SPATA6L: variants seen among roughly 807,000 people sequenced by gnomAD.
The protein encoded by SPATA6L is spermatogenesis associated 6 like.
In SPATA6L, 68 loss-of-function variants were observed where a neutral mutation model predicts 49.2. The observed-to-expected ratio is 1.38, with a 90% CI of 1.14 to 1.69. The LOEUF (loss-of-function observed/expected upper bound fraction) is 1.69, where lower values mean the gene tolerates loss of function less well. Among genes scored for constraint, SPATA6L ranks in the 40% most tolerant of loss-of-function variants. The probability of loss-of-function intolerance (pLI) is 0.00; values close to 1 mark genes in which losing one functional copy is unlikely to be tolerated. For synonymous variants in SPATA6L, 198 were observed against 165.7 expected (o/e 1.19, Z -1.50); for missense variants, 668 against 464.3 (o/e 1.44, Z -4.03).
At chr9:4,627,388 T>G (rs1279092988) in intron 5 of SPATA6L, 1 of 164,940 alleles carries the variant, frequency 6.1e-6, no homozygotes, top group Non-Finnish European at 1.3e-5. Context: ...ATGAGTTATT[T>G]AGCTAAGAGT....
At chr9:4,615,830 C>G (rs1378885109) in intron 9 of SPATA6L, among the ~76,000 whole-genome samples, 2 of 152,156 alleles carry the variant, frequency 1.3e-5, no homozygotes, top group African/African-American at 4.8e-5. Flanking sequence ...GCTTGCTGTA[C>G]TGCTTTTAAG....
rs2130826256 is a variant in SPATA6L, at chr9:4,666,444, T to C, written c.-194A>G. The C allele has an allele frequency of 1.6e-6, 1 of 609,034 alleles. No homozygotes were observed. Among genetic ancestry groups the C allele is most frequent in the Non-Finnish European group, 3.0e-6 (1 of 338,426 alleles). The allele number at this position is 609,034 out of a possible 1,614,324, so 37.7% of individuals were successfully genotyped here. A position where few individuals can be genotyped will look rare whatever the true frequency, so the allele number is the denominator to read the frequency against. On this transcript the variant is annotated 5_prime_UTR_variant, in exon 1 of 12. Coordinates refer to ENST00000682582, the MANE Select transcript of SPATA6L (RefSeq NM_001353486.2). Reference sequence around the variant, plus strand: ...GGGACGGGTCTCTCACACTCGAAGCTGGAGTGCAGGCTTCCAGAAGGCGGA... The same window carrying C: ...GGGACGGGTCTCTCACACTCGAAGCCGGAGTGCAGGCTTCCAGAAGGCGGA...
intron 13 of SPATA6L, among the ~76,000 whole-genome samples, chr9:4,590,693 G>C (rs985265269): frequency 6.6e-6 from 1 of 152,132 alleles, no homozygotes; most frequent in African/African-American, 2.4e-5. Flanking sequence ...GCCCCGCGGG[G>C]ACAACTCCAG....
chr9:4,606,511 C>A (rs1320574493), intron 9 of SPATA6L, among the ~76,000 whole-genome samples: 1 of 40,728 alleles, frequency 2.5e-5, no homozygotes, highest in Non-Finnish European at 5.9e-5. Flanking sequence ...AGCAGCCTAA[C>A]TGGGAGGCAC....
At chr9:4,624,403 T>C (rs2130439938) in intron 6 of SPATA6L, among the ~76,000 whole-genome samples, 1 of 152,332 alleles carries the variant, frequency 6.6e-6, no homozygotes, top group East Asian at 1.9e-4. Context: ...TTTCTTGAAC[T>C]TTTCTATGTT....
intron 9 of SPATA6L, among the ~76,000 whole-genome samples, chr9:4,609,678 A>C (rs12342682): frequency 0.18 from 26,117 of 148,248 alleles, 3,406 homozygotes; most frequent in African/African-American, 0.35. Flanking sequence ...GACAAACCCA[A>C]AGCCAATATC....
downstream of SPATA6L, among the ~76,000 whole-genome samples, chr9:4,597,277 C>G (rs536408349): frequency 6.6e-6 from 1 of 151,520 alleles, no homozygotes; most frequent in Admixed American, 6.6e-5. Flanking sequence ...TATAGGGAGA[C>G]TCCTTCTCTA....
At chr9:4,625,703 A>G (rs1352376167) in intron 5 of SPATA6L, 137 bp from the exon 6 acceptor site, 18 of 552,726 alleles carry the variant, frequency 3.3e-5, no homozygotes, top group Non-Finnish European at 4.9e-5. Context: ...TAAAACATAA[A>G]CTTAAGAAGG....
At chr9:4,652,213 G>T (rs897555430) in intron 3 of SPATA6L, among the ~76,000 whole-genome samples, 8 of 152,130 alleles carry the variant, frequency 5.3e-5, no homozygotes, top group Non-Finnish European at 8.8e-5. Flanking sequence ...CTGAGGCCGG[G>T]AGTTCAAGAT....
intron 3 of SPATA6L, among the ~76,000 whole-genome samples, chr9:4,638,515 T>C (rs1833311613): frequency 6.6e-6 from 1 of 152,116 alleles, no homozygotes; most frequent in East Asian, 1.9e-4. Flanking sequence ...GCCCAGCCAA[T>C]GGGTGTAATT....
intron 2 of SPATA6L, among the ~76,000 whole-genome samples, chr9:4,659,191 G>C (rs1017750662): frequency 6.6e-6 from 1 of 152,094 alleles, no homozygotes; most frequent in African/African-American, 2.4e-5. Flanking sequence ...TTAATAGGTT[G>C]TGATTTATAA....
intron 2 of SPATA6L, 106 bp downstream of exon 2, chr9:4,661,793 T>C (rs1232296010): frequency 2.8e-6 from 4 of 1,434,188 alleles, no homozygotes; most frequent in Non-Finnish European, 3.7e-6. Flanking sequence ...TCGGATAATT[T>C]TTTTAAAAAT....
intron 13 of SPATA6L, among the ~76,000 whole-genome samples, chr9:4,592,242 G>C (rs904200852): frequency 1.3e-4 from 20 of 151,144 alleles, no homozygotes; most frequent in African/African-American, 4.9e-4. Flanking sequence ...TTGAACCCTG[G>C]AGGTGGAGTT....
chr9:4,626,393 T>C (rs1408342552), intron 5 of SPATA6L: 1 of 1,298,662 alleles, frequency 7.7e-7, no homozygotes, highest in Admixed American at 2.3e-5. Context: ...GCCCCTCCTT[T>C]GAGATCTGAG....
At position 4,618,847 on chromosome 9, in the gene SPATA6L, T is replaced by C. The variant is rs751312450; in HGVS notation, c.807+17A>G. On this transcript the variant is annotated intron_variant, in intron 8 of 11. Transcript: ENST00000682582. Reference sequence around the variant, plus strand: ...TCTGGAAGTAAATCATTTTACAAATTCTACTTCTAAAATTACCTTTACGTT... The same window carrying C: ...TCTGGAAGTAAATCATTTTACAAATCCTACTTCTAAAATTACCTTTACGTT... The C allele has an allele frequency of 1.9e-6, 3 of 1,607,782 alleles. No homozygotes were observed. The highest frequency in any genetic ancestry group is 1.1e-5 in the South Asian group (1 of 90,394).
intron 8 of SPATA6L, 102 bp downstream of exon 8, chr9:4,618,762 G>T: frequency 9.4e-7 from 1 of 1,067,576 alleles, no homozygotes; most frequent in Non-Finnish European, 1.4e-6. Context: ...TTCCACCTAA[G>T]CAGACTAACT....
chr9:4,605,509 G>T, intron 9 of SPATA6L, 69 bp from the exon 10 acceptor site: 19 of 1,035,456 alleles, frequency 1.8e-5, no homozygotes, highest in Non-Finnish European at 2.8e-5. Flanking sequence ...GCACATGACG[G>T]TATGGATTGA....
downstream of SPATA6L, among the ~76,000 whole-genome samples, chr9:4,597,853 G>C (rs897219325): frequency 2.0e-5 from 3 of 152,176 alleles, no homozygotes; most frequent in African/African-American, 7.2e-5. Context: ...ATGGACTACA[G>C]AGCATATCCT....
intron 3 of SPATA6L, among the ~76,000 whole-genome samples, chr9:4,642,133 T>C (rs1047209734): frequency 2.6e-5 from 4 of 152,220 alleles, no homozygotes; most frequent in Non-Finnish European, 5.9e-5. Context: ...CATTTTCTTT[T>C]ACATACTTTC....
Sources: allele counts gnomAD v4.1 joint callset (sites outside exome capture counted in the v4.1 genomes callset), GRCh38; gene constraint gnomAD v4.1.1; transcripts MANE v1.5; gene names NCBI Gene and HGNC (gene_info 2026-07-23, HGNC 2026-07-21).